Variants in KIF1A observed in about 807,000 individuals in gnomAD.
KIF1A encodes the protein kinesin-like protein KIF1A.
Under a neutral mutation model 227.3 loss-of-function variants are expected in KIF1A, and 46 were observed. The ratio of observed to expected loss-of-function variants is 0.20; its 90% CI spans 0.16 to 0.26. The LOEUF (loss-of-function observed/expected upper bound fraction) is 0.26. Among genes scored for constraint, KIF1A ranks in the 10% least tolerant of loss-of-function variants. The pLI is 1.00. For missense variants in KIF1A, 1,683 were observed against 2,485.9 expected, an observed-to-expected ratio of 0.68 and a Z score of 6.87; for synonymous variants, 1,022 against 1,012.8, an observed-to-expected ratio of 1.01 and a Z score of -0.17.
At chr2:240,769,754 G>T in intron 15 of KIF1A, 48 bp from the exon 16 acceptor site, 1 of 1,523,576 alleles carries the variant, frequency 6.6e-7, no homozygotes, top group Non-Finnish European at 9.1e-7. Context: ...TAGGGCCAAG[G>T]GAGAGGACAA....
intron 10 of KIF1A, chr2:240,781,770 G>A: frequency 1.0e-6 from 1 of 978,478 alleles, no homozygotes; most frequent in Non-Finnish European, 1.2e-6. Flanking sequence ...CCCCACAGGG[G>A]CCCTCAGCTT....
chr2:240,804,489 T>A (rs546711880), intron 1 of KIF1A, among the ~76,000 whole-genome samples: 19 of 152,118 alleles, frequency 1.2e-4, no homozygotes, highest in Admixed American at 6.5e-4. Flanking sequence ...GCTACAGGCA[T>A]TTGGTGATAC....
At position 240,718,176 on chromosome 2, in the gene KIF1A, G is replaced by A. The variant is rs1487108535; in HGVS notation, c.5215-8C>T. The A allele has an allele frequency of 1.3e-6, 2 of 1,582,612 alleles. No homozygotes were observed. The highest frequency in any genetic ancestry group is 1.8e-5 in the Admixed American group (1 of 56,668). ...CGCGAATGTGTTGGGTGTCTGCAGA[G>A]GGAGGCAGCTGGTGAGGAGGTGCCA... On this transcript the variant is annotated splice_polypyrimidine_tract_variant and splice_region_variant and intron_variant, in intron 47 of 48. Coordinates refer to ENST00000498729, the MANE Select transcript of KIF1A (RefSeq NM_001244008.2).
chr2:240,724,262 G>C, intron 40 of KIF1A: 1 of 580,834 alleles, frequency 1.7e-6, no homozygotes, highest in East Asian at 2.9e-5. Flanking sequence ...GGTGCCCATG[G>C]GGCTGTGACG....
rs1226055551 is a variant in KIF1A at position 240,778,930 on chromosome 2, C to T, written c.883-3004G>A. Among the ~76,000 whole-genome samples, 6 of 152,060 alleles carry T rather than the reference C, an allele frequency of 3.9e-5. No individual in the cohort carries two copies. Among genetic ancestry groups the T allele is most frequent in the South Asian group, 2.1e-4 (1 of 4,826 alleles). The stretch of plus-strand genomic sequence containing the variant: ...CACACACTTCCTCAGGCCATTCGCC[C>T]GTGTGCACCCCGTTCCTACACACAG... On this transcript the variant is annotated intron_variant, in intron 10 of 48. Coordinates refer to ENST00000498729, the MANE Select transcript of KIF1A (RefSeq NM_001244008.2). This position sits in a 1 kb window ranked among gnomAD's most constrained non-coding sequence, Gnocchi z 7.2.
intron 10 of KIF1A, among the ~76,000 whole-genome samples, chr2:240,779,016 A>T (rs117836028): frequency 6.6e-6 from 1 of 151,940 alleles, no homozygotes; most frequent in African/African-American, 2.4e-5. Flanking sequence ...CCAGTTCCAC[A>T]CAGTTCCACA....
chr2:240,735,392 C>T (rs1178906050), intron 38 of KIF1A, among the ~76,000 whole-genome samples: 1 of 107,754 alleles, frequency 9.3e-6, no homozygotes, highest in Non-Finnish European at 2.3e-5. Context: ...AGCCATGAGC[C>T]GCTCCCTCCT....
chr2:240,741,985 G>T (rs537515887), intron 34 of KIF1A, among the ~76,000 whole-genome samples: 1 of 152,282 alleles, frequency 6.6e-6, no homozygotes, highest in South Asian at 2.1e-4. Flanking sequence ...CCCCTCCTCT[G>T]CCTCTCCTAC....
rs1188191242 is a variant in KIF1A, at chr2:240,754,096, G to A, written c.2858+3223C>T. On this transcript the variant is annotated intron_variant, in intron 27 of 48. Transcript: ENST00000498729. ...GGGCTGGGAGGACCCAGACACTGTA[G>A]CATCACAGACTGCTGCTAACTGCTT... Among the ~76,000 whole-genome samples the A allele has an allele frequency of 7.2e-5, 11 of 152,346 alleles. 3 individuals carry two copies. Among genetic ancestry groups the A allele is most frequent in the Admixed American group, 7.2e-4 (11 of 15,310 alleles).
chr2:240,740,122 C>T lies in KIF1A; in HGVS notation c.3837G>A (p.Thr1279=), dbSNP rs749323510. The part of the protein sequence containing the change: ...LLHQGIQRRI[T]VTLLHETGSH... ...TGCCTGTCTCATGCAGTAGTGTCAC[C>T]GTAATCCGTCGCTGGATGCCCTGCC... Residue 1279 remains threonine (T), a synonymous_variant, in exon 37 of 49, where the codon ACG becomes ACA. Transcript: ENST00000498729. This position sits in a 1 kb window ranked among gnomAD's most constrained non-coding sequence, Gnocchi z 6.1. 2.5e-6 allele frequency: 4 copies of T among 1,589,478 alleles called. No individual in the cohort carries two copies. The highest frequency in any genetic ancestry group is 8.6e-7 in the Non-Finnish European group (1 of 1,168,494).
intron 20 of KIF1A, among the ~76,000 whole-genome samples, chr2:240,763,851 G>A (rs1230036675): frequency 1.3e-5 from 2 of 152,142 alleles, no homozygotes; most frequent in Non-Finnish European, 2.9e-5. Flanking sequence ...TCCAGGGTCC[G>A]GAGTCCAGAG....
chr2:240,750,811 A>T (rs1222569753), intron 27 of KIF1A, among the ~76,000 whole-genome samples: 1 of 151,934 alleles, frequency 6.6e-6, no homozygotes, highest in African/African-American at 2.4e-5. Context: ...CTGGGCCCGG[A>T]CCTGGCTGCC....
At position 240,741,295 on chromosome 2, in the gene KIF1A, C is replaced by T. The variant is rs1279642549; in HGVS notation, c.3723G>A (p.Glu1241=). The change falls in exon 35 of 49, where the codon GAG becomes GAA. Residue 1241 remains glutamate, a synonymous_variant. Coordinates refer to ENST00000498729, the MANE Select transcript of KIF1A (RefSeq NM_001244008.2). The part of the protein sequence containing the change: ...HCKYDLLVYF[E]ICELEANGDY... ...CGCCGTTGGCCTCCAGCTCACAGAT[C>T]TCGAAGTAGACCAGCAGGTCGTACT... 2 of 1,598,454 alleles carry T rather than the reference C, an allele frequency of 1.3e-6. No individual in the cohort carries two copies. The highest frequency in any genetic ancestry group is 2.7e-5 in the African/African-American group (2 of 74,752).
At chr2:240,734,820 G>T in intron 38 of KIF1A, 1 of 1,159,746 alleles carries the variant, frequency 8.6e-7, no homozygotes, top group Non-Finnish European at 1.2e-6. Flanking sequence ...GACAGGCAGA[G>T]GGAAGCGGCC....
chr2:240,738,780 G>A (rs1367430706), intron 37 of KIF1A, among the ~76,000 whole-genome samples: 1 of 152,238 alleles, frequency 6.6e-6, no homozygotes, highest in Non-Finnish European at 1.5e-5. Flanking sequence ...GGGCCTGAGT[G>A]GTGACAGACC....
Position 240,757,378 on chromosome 2 carries a change from C to A in KIF1A, c.2799G>T (p.Ala933=). Residue 933 remains alanine (A), a synonymous_variant, in exon 27 of 49, where the codon GCG becomes GCT. Coordinates refer to ENST00000498729, the MANE Select transcript of KIF1A (RefSeq NM_001244008.2). This position sits in a 1 kb window ranked among gnomAD's most constrained non-coding sequence, Gnocchi z 6.2. ...AAAACGGGTCCCGGCCGTCGCACAG[C>A]GCGTGCTCCGGAAAGACGTCGTCCT... The part of the protein sequence containing the change: ...DLEDDVFPEH[A]LCDGRDPFYD... 6.4e-7 allele frequency: 1 copy of A among 1,550,638 alleles called. No individual in the cohort carries two copies. The highest frequency in any genetic ancestry group is 8.7e-7 in the Non-Finnish European group (1 of 1,147,044).
rs756247806 is a variant in KIF1A at position 240,750,487 on chromosome 2, G to A, written c.2919C>T (p.Ile973=). ...CCTTCACCTCGCCCTTCTCGCTGAC[G>A]ATTGCCACACGGTGTACCAGGGGAA... ...YPVPLVHRVA[I]VSEKGEVKGF... is the part of the protein sequence containing the mutation. Residue 973 remains isoleucine (I), a synonymous_variant, in exon 28 of 49, where the codon ATC becomes ATT. Transcript: ENST00000498729. The A allele has an allele frequency of 2.5e-6, 4 of 1,613,918 alleles. No homozygotes were observed. The South Asian group carries it at 3.3e-5, about 13-fold the overall frequency.
intron 1 of KIF1A, among the ~76,000 whole-genome samples, chr2:240,801,758 G>T (rs2056991256): frequency 6.6e-6 from 1 of 152,184 alleles, no homozygotes; most frequent in South Asian, 2.1e-4. Flanking sequence ...TGAGAGCAGG[G>T]CAAGAAGGCG....
chr2:240,805,624 C>T (rs1246443384), intron 1 of KIF1A, among the ~76,000 whole-genome samples: 1 of 151,994 alleles, frequency 6.6e-6, no homozygotes, highest in Non-Finnish European at 1.5e-5. Flanking sequence ...GCATGAATAA[C>T]ACAATAATCA....
Sources: allele counts gnomAD v4.1 joint callset (sites outside exome capture counted in the v4.1 genomes callset), GRCh38; gene constraint gnomAD v4.1.1; non-coding constraint Gnocchi (gnomAD v3.1); transcripts MANE v1.5; gene names NCBI Gene and HGNC (gene_info 2026-07-23, HGNC 2026-07-21).